SLC5A3: variants seen among roughly 807,000 people sequenced by gnomAD.
The protein encoded by SLC5A3 is sodium/myo-inositol cotransporter.
In SLC5A3, 10 loss-of-function variants were observed where a neutral mutation model predicts 43.2. That is an observed-to-expected ratio of 0.23 (90% CI 0.14 to 0.39). The LOEUF (loss-of-function observed/expected upper bound fraction) is 0.39, where lower values mean the gene tolerates loss of function less well. Ranked by LOEUF, SLC5A3 falls within the 10% of genes least tolerant of loss-of-function variation. The pLI is 1.00. For synonymous variants in SLC5A3, 349 were observed against 322.0 expected, an observed-to-expected ratio of 1.08 and a Z score of -0.90; for missense variants, 608 against 893.4, an observed-to-expected ratio of 0.68 and a Z score of 4.07.
intron 1 of SLC5A3, among the ~76,000 whole-genome samples, chr21:34,077,614 AAGAT>A (rs909985342): frequency 6.6e-6 from 1 of 151,228 alleles, no homozygotes; most frequent in Non-Finnish European, 1.5e-5. Context: ...AGGAATAAAG[AAGAT>A]AGCTATTTTG....
chr21:34,073,724 A>ACG lies in SLC5A3; in HGVS notation c.-358_-357insCG. On this transcript the variant is annotated 5_prime_UTR_variant, in exon 1 of 2. It introduces an in-frame stop codon into an upstream open reading frame of the 5' UTR. Coordinates refer to ENST00000381151, the MANE Select transcript of SLC5A3 (RefSeq NM_006933.7). ...GCATGCCCCGCTACGAGCTGGCTTT[A>ACG]ATCCTGAAAGCCATGCAGCGGGTAA... is the stretch of plus-strand genomic sequence containing the variant. The ACG allele has an allele frequency of 6.5e-7, 1 of 1,529,274 alleles. No homozygotes were observed. Among genetic ancestry groups the ACG allele is most frequent in the Non-Finnish European group, 8.8e-7 (1 of 1,132,572 alleles). 94.7% of individuals were successfully genotyped at this position (1,529,274 alleles called of 1,614,324 possible).
chr21:34,092,506 T>G (rs947150998), intron 1 of SLC5A3, among the ~76,000 whole-genome samples: 1 of 152,206 alleles, frequency 6.6e-6, no homozygotes, highest in Non-Finnish European at 1.5e-5. Context: ...GTACCTCTCC[T>G]GTGGGCAGAG....
At chr21:34,079,073 T>C (rs192154540) in intron 1 of SLC5A3, among the ~76,000 whole-genome samples, 1 of 152,364 alleles carries the variant, frequency 6.6e-6, no homozygotes, top group Non-Finnish European at 1.5e-5. Flanking sequence ...TTATCCTTTT[T>C]GTTGCTTTGA....
In SLC5A3 at chr21:34,102,556, CT is replaced by C. The variant is rs757416059; in HGVS notation, c.*5206del. The C allele has an allele frequency of 9.0e-6, 9 of 999,940 alleles. No homozygotes were observed. Among genetic ancestry groups the C allele is most frequent in the Non-Finnish European group, 1.1e-5 (9 of 829,720 alleles). 61.9% of individuals were successfully genotyped at this position (999,940 alleles called of 1,614,324 possible). ...ATCATTGCTAATCTTGTGCACTTTA[CT>C]TTTTGGGCAGTACCATACATAGTCT... On this transcript the variant is annotated 3_prime_UTR_variant, in exon 2 of 2. Coordinates refer to ENST00000381151, the MANE Select transcript of SLC5A3 (RefSeq NM_006933.7).
Position 34,102,306 on chromosome 21 carries a change from CAATGCTGAG to C in SLC5A3, c.*4955_*4963del, listed in dbSNP as rs1434032964. On this transcript the variant is annotated 3_prime_UTR_variant, in exon 2 of 2. Transcript: ENST00000381151. The stretch of plus-strand genomic sequence containing the variant: ...GTTTTTATTTAAACTTCTCTCTCTT[CAATGCTGAG>C]AATAAGGCTTTAAATTACTGATTCA... 2.2e-5 allele frequency: 22 copies of C among 998,334 alleles called. No individual in the cohort carries two copies. The highest frequency in any genetic ancestry group is 2.5e-5 in the Non-Finnish European group (21 of 828,488). The allele number at this position is 998,334 out of a possible 1,614,324, so 61.8% of individuals were successfully genotyped here. A position where few individuals can be genotyped will look rare whatever the true frequency, so the allele number is the denominator to read the frequency against.
rs1009368148 is a variant in SLC5A3 at position 34,105,192 on chromosome 21, A to G, written c.*7837A>G. On this transcript the variant is annotated 3_prime_UTR_variant, in exon 2 of 2. Transcript: ENST00000381151. ...CTGCTTCAGTTTATAGATTGCCAGCAGAGTTCAGAAATAGAGCAGGGATTT... is the reference window on the plus strand; with the variant it reads ...CTGCTTCAGTTTATAGATTGCCAGCGGAGTTCAGAAATAGAGCAGGGATTT... The G allele has an allele frequency of 6.0e-6, 6 of 1,000,168 alleles. No individual in the cohort carries two copies. The African/African-American group carries it at 1.0e-4, about 17-fold the overall frequency. 62.0% of individuals were successfully genotyped at this position (1,000,168 alleles called of 1,614,324 possible).
At chr21:34,082,117 G>A (rs1989473421) in intron 1 of SLC5A3, among the ~76,000 whole-genome samples, 2 of 151,434 alleles carry the variant, frequency 1.3e-5, no homozygotes, top group East Asian at 3.9e-4. Context: ...CAAATGTAAT[G>A]TATCTGTGGG....
rs543555568 is a variant in SLC5A3, at chr21:34,076,572, TTAAC to T, written c.-337+2830_-337+2833del. 3.3e-5 allele frequency among the ~76,000 whole-genome samples: 5 copies of T among 152,366 alleles called. No homozygotes were observed. The South Asian group carries it at 6.2e-4, about 19-fold the overall frequency. ...CAAGTTTGGGCATTTAGGAATGTAG[TTAAC>T]TAGTGTTTCTAAGAAGAAATTTATT... On this transcript the variant is annotated intron_variant, in intron 1 of 1. Transcript: ENST00000381151.
intron 1 of SLC5A3, among the ~76,000 whole-genome samples, chr21:34,088,238 C>T (rs937554844): frequency 7.5e-3 from 2 of 266 alleles, no homozygotes; most frequent in Non-Finnish European, 0.019. Flanking sequence ...GTATAGAATA[C>T]ACTTAAGACT....
chr21:34,106,016 A>T lies in SLC5A3; in HGVS notation c.*8661A>T. 1.0e-6 allele frequency: 1 copy of T among 994,514 alleles called. No individual in the cohort carries two copies. Among genetic ancestry groups the T allele is most frequent in the African/African-American group, 1.7e-5 (1 of 57,242 alleles). 61.6% of individuals were successfully genotyped at this position (994,514 alleles called of 1,614,324 possible). On this transcript the variant is annotated 3_prime_UTR_variant, in exon 2 of 2. Transcript: ENST00000381151. The stretch of plus-strand genomic sequence containing the variant: ...TTATTGTTTAAAAAATGAAAAAAGC[A>T]TATCTGCTAAAGAGCTGTCAGTTTT...
chr21:34,104,437 T>C lies in SLC5A3; in HGVS notation c.*7082T>C, dbSNP rs1280119479. On this transcript the variant is annotated 3_prime_UTR_variant, in exon 2 of 2. Transcript: ENST00000381151. ...ATGTCTTTGTCTTAAATTTTGCCCA[T>C]GTGTTAAAAGATGTAATTCTCAGAA... 1.0e-6 allele frequency: 1 copy of C among 1,000,000 alleles called. No homozygotes were observed. The highest frequency in any genetic ancestry group is 1.2e-6 in the Non-Finnish European group (1 of 829,928). 61.9% of individuals were successfully genotyped at this position (1,000,000 alleles called of 1,614,324 possible). A position where few individuals can be genotyped will look rare whatever the true frequency, so the allele number is the denominator to read the frequency against.
rs553662649 is a variant in SLC5A3 at position 34,073,781 on chromosome 21, C to T, written c.-337+36C>T. The T allele has an allele frequency of 1.4e-4, 195 of 1,435,190 alleles. No individual in the cohort carries two copies. The South Asian group carries it at 2.2e-3, about 16-fold the overall frequency. The allele number at this position is 1,435,190 out of a possible 1,614,324, so 88.9% of individuals were successfully genotyped here. ...TTCCCTCAGAGCCGGTCTTCCCGCG[C>T]GGGCGCCCCCGCTGCCGCTAGGCCG... On this transcript the variant is annotated intron_variant, in intron 1 of 1. Coordinates refer to ENST00000381151, the MANE Select transcript of SLC5A3 (RefSeq NM_006933.7).
chr21:34,073,915 G>A (rs1223089321), intron 1 of SLC5A3, among the ~76,000 whole-genome samples, 170 bp downstream of exon 1: 2 of 145,368 alleles, frequency 1.4e-5, no homozygotes, highest in Non-Finnish European at 3.1e-5. Context: ...GGCGCGCGTG[G>A]GCCGGCCGGG....
In SLC5A3 at chr21:34,097,452, CTGTAG is replaced by C. The variant is rs761296422; in HGVS notation, c.*98_*102del. 5.7e-4 allele frequency: 845 copies of C among 1,474,440 alleles called. No individual in the cohort carries two copies. Among genetic ancestry groups the C allele is most frequent in the Non-Finnish European group, 7.3e-4 (812 of 1,114,558 alleles). 91.3% of individuals were successfully genotyped at this position (1,474,440 alleles called of 1,614,324 possible). Reference sequence around the variant, plus strand: ...GTGCATCTCTCAGGCATTGTTTACGCTGTAGGTTTTAGCCAAATTTTACTTAGCAG... The same window carrying C: ...GTGCATCTCTCAGGCATTGTTTACGCGTTTTAGCCAAATTTTACTTAGCAG... On this transcript the variant is annotated 3_prime_UTR_variant, in exon 2 of 2. Transcript: ENST00000381151.
intron 1 of SLC5A3, among the ~76,000 whole-genome samples, chr21:34,092,486 G>C (rs4322914): frequency 1 from 152,284 of 152,284 alleles, 76,142 homozygotes; most frequent in Non-Finnish European, 1. Flanking sequence ...TAGTGTTAGG[G>C]TACTATTTGG....
rs1234228305 is a variant in SLC5A3, at chr21:34,094,588, TG to T, written c.-336-273del. On this transcript the variant is annotated intron_variant, in intron 1 of 1. Coordinates refer to ENST00000381151, the MANE Select transcript of SLC5A3 (RefSeq NM_006933.7). ...AGTAAGACAAGAAAGGGCAATGCTG[TG>T]GTAGGCAGTTAGCTGCTGAAGTTAG... Among the ~76,000 whole-genome samples the T allele has an allele frequency of 3.9e-5, 6 of 152,180 alleles. No homozygotes were observed. The East Asian group carries it at 9.6e-4, about 24-fold the overall frequency.
rs1293332338 is a variant in SLC5A3, at chr21:34,095,163, C to T, written c.-36C>T. 1 of 1,404,576 alleles carries T rather than the reference C, an allele frequency of 7.1e-7. No individual in the cohort carries two copies. Among genetic ancestry groups the T allele is most frequent in the Non-Finnish European group, 9.2e-7 (1 of 1,086,174 alleles). 87.0% of individuals were successfully genotyped at this position (1,404,576 alleles called of 1,614,324 possible). On this transcript the variant is annotated 5_prime_UTR_variant, in exon 2 of 2. Transcript: ENST00000381151. ...AAAATAAATAAAAAGTTGGACACTT[C>T]TGTCATTGGAGCGCTATTATTCACA...
chr21:34,097,022 C>T lies in SLC5A3; in HGVS notation c.1824C>T (p.Thr608=). The T allele has an allele frequency of 1.9e-6, 3 of 1,614,080 alleles. No individual in the cohort carries two copies. The highest frequency in any genetic ancestry group is 2.5e-6 in the Non-Finnish European group (3 of 1,179,974). Residue 608 remains threonine (T), a synonymous_variant, in exon 2 of 2, where the codon ACC becomes ACT. Transcript: ENST00000381151. ...LQPEDVNLLV[T]CREEGNPVAS... is the part of the protein sequence containing the mutation. ...CTGAAGATGTTAATCTGTTGGTAAC[C>T]TGCAGAGAGGAGGGCAACCCAGTGG...
intron 1 of SLC5A3, among the ~76,000 whole-genome samples, chr21:34,090,067 A>C (rs528150394): frequency 6.6e-6 from 1 of 152,306 alleles, no homozygotes; most frequent in African/African-American, 2.4e-5. Flanking sequence ...GCATCATGTC[A>C]GTTCTCAAAA....
Sources: gnomAD v4.1 joint callset for allele counts (sites outside exome capture counted in the v4.1 genomes callset) on GRCh38, gnomAD v4.1.1 for gene constraint, MANE v1.5 for transcripts, NCBI Gene and HGNC (gene_info 2026-07-23, HGNC 2026-07-21) for gene names.